The following GRIA1 variants were observed in gnomAD, a reference collection of about 807,000 sequenced individuals.
GRIA1 encodes the protein glutamate ionotropic receptor AMPA type subunit 1.
In GRIA1, 31 loss-of-function variants were observed where a neutral mutation model predicts 99.2. The ratio of observed to expected loss-of-function variants is 0.31; its 90% CI spans 0.23 to 0.42. GRIA1 has a LOEUF of 0.42. Among genes scored for constraint, GRIA1 ranks in the 10% least tolerant of loss-of-function variants. The pLI is 1.00. For synonymous variants in GRIA1, 438 were observed against 432.4 expected, an observed-to-expected ratio of 1.01 and a Z score of -0.16; for missense variants, 782 against 1,157.5, an observed-to-expected ratio of 0.68 and a Z score of 4.71.
chr5:153,543,376 C>A (rs930787489), intron 2 of GRIA1, among the ~76,000 whole-genome samples: 1 of 152,178 alleles, frequency 6.6e-6, no homozygotes, highest in Admixed American at 6.6e-5. Context: ...TAAGTACTTG[C>A]ATATATCTAA....
chr5:153,632,884 G>A (rs1169885320), intron 2 of GRIA1, among the ~76,000 whole-genome samples: 1 of 152,216 alleles, frequency 6.6e-6, no homozygotes, highest in Non-Finnish European at 1.5e-5. Flanking sequence ...CCTTAGAGGA[G>A]GAAGAAATGA....
chr5:153,813,835 A>G lies in GRIA1; in HGVS notation c.*2610A>G, dbSNP rs1352346485. Reference sequence around the variant, plus strand: ...CTTTTGGTATTTGCATAAAATGAAAATATCACCGAATATTAAATCACTGTG... The same window carrying G: ...CTTTTGGTATTTGCATAAAATGAAAGTATCACCGAATATTAAATCACTGTG... On this transcript the variant is annotated 3_prime_UTR_variant, in exon 16 of 16. Coordinates refer to ENST00000285900, the MANE Select transcript of GRIA1 (RefSeq NM_000827.4). 6.6e-6 allele frequency: 1 copy of G among 152,232 alleles called. No homozygotes were observed. Among genetic ancestry groups the G allele is most frequent in the Non-Finnish European group, 1.5e-5 (1 of 68,042 alleles). The allele number at this position is 152,232 out of a possible 1,614,324, so 9.4% of individuals were successfully genotyped here.
At chr5:153,694,263 C>A (rs186677059) in intron 8 of GRIA1, among the ~76,000 whole-genome samples, 3 of 151,990 alleles carry the variant, frequency 2.0e-5, no homozygotes, top group African/African-American at 7.2e-5. Context: ...ATTCATCTTG[C>A]TTTTTTTTCC....
intron 8 of GRIA1, among the ~76,000 whole-genome samples, chr5:153,692,642 G>A (rs1284200581): frequency 6.6e-6 from 1 of 152,120 alleles, no homozygotes; most frequent in Non-Finnish European, 1.5e-5. Flanking sequence ...GATAAAGCTT[G>A]TCAACCCCTG....
chr5:153,732,014 G>A (rs926337732), intron 11 of GRIA1, among the ~76,000 whole-genome samples: 2 of 151,964 alleles, frequency 1.3e-5, no homozygotes, highest in Non-Finnish European at 2.9e-5. Context: ...TCTGTGTCTG[G>A]CTTATTTCAC....
intron 13 of GRIA1, among the ~76,000 whole-genome samples, chr5:153,770,740 C>A (rs1055206842): frequency 4.6e-5 from 7 of 152,208 alleles, no homozygotes; most frequent in African/African-American, 1.7e-4. Context: ...CTTTACCAGA[C>A]ACCCCTGCAT....
At position 153,547,201 on chromosome 5, in the gene GRIA1, G is replaced by T. The variant is rs549880891; in HGVS notation, c.220+53136G>T. 4.1e-3 allele frequency among the ~76,000 whole-genome samples: 631 copies of T among 152,054 alleles called. 5 individuals are homozygous for T. The highest frequency in any genetic ancestry group is 0.015 in the African/African-American group (609 of 41,478). On this transcript the variant is annotated intron_variant, in intron 2 of 15. Transcript: ENST00000285900. Reference sequence around the variant, plus strand: ...TTTTTTTTTTAGCTCATCAGCTATTGTTAGTGTTAGTGTATGTGATGTGTG... The same window carrying T: ...TTTTTTTTTTAGCTCATCAGCTATTTTTAGTGTTAGTGTATGTGATGTGTG...
At chr5:153,670,701 T>C (rs1756100136) in intron 5 of GRIA1, among the ~76,000 whole-genome samples, 1 of 151,994 alleles carries the variant, frequency 6.6e-6, no homozygotes, top group Non-Finnish European at 1.5e-5. Flanking sequence ...GCAAAGAAAA[T>C]TAGAAAATTA....
chr5:153,809,670 A>C lies in GRIA1; in HGVS notation c.2521-1355A>C, dbSNP rs142945800. 1.2e-4 allele frequency among the ~76,000 whole-genome samples: 18 copies of C among 152,316 alleles called. No individual in the cohort carries two copies. In the East Asian group the frequency reaches 3.5e-3, roughly 29 times the overall value. ...AATTCAAAAGCATCATTATGCATCT[A>C]ATTTCTTACTGGACACTCTGTGGGA... On this transcript the variant is annotated intron_variant, in intron 15 of 15. Transcript: ENST00000285900.
intron 11 of GRIA1, among the ~76,000 whole-genome samples, chr5:153,718,642 C>A (rs1237428567): frequency 6.6e-6 from 1 of 152,172 alleles, no homozygotes; most frequent in African/African-American, 2.4e-5. Flanking sequence ...TAGTACCTAG[C>A]ACATACCAGA....
intron 10 of GRIA1, among the ~76,000 whole-genome samples, chr5:153,705,347 T>C (rs984072926): frequency 2.0e-5 from 3 of 152,042 alleles, no homozygotes; most frequent in African/African-American, 7.2e-5. Flanking sequence ...ACCTGCAGGA[T>C]TGAGAGTGGG....
chr5:153,655,899 C>A (rs201969852), intron 5 of GRIA1, 27 bp downstream of exon 5: 41 of 1,606,606 alleles, frequency 2.6e-5, no homozygotes, highest in Non-Finnish European at 3.4e-5. Flanking sequence ...AGGCTCTCAG[C>A]TCAAGTCCTT....
chr5:153,668,231 C>G (rs1755889236), intron 5 of GRIA1, among the ~76,000 whole-genome samples: 1 of 152,142 alleles, frequency 6.6e-6, no homozygotes, highest in Admixed American at 6.5e-5. Context: ...AGCCACTATT[C>G]CCATCTCTGG....
At chr5:153,781,197 A>G (rs920922538) in intron 13 of GRIA1, among the ~76,000 whole-genome samples, 3 of 152,208 alleles carry the variant, frequency 2.0e-5, no homozygotes, top group Non-Finnish European at 4.4e-5. Flanking sequence ...CCTCTCACAC[A>G]GTAAACCAGC....
At chr5:153,629,179 G>A (rs1752747138) in intron 2 of GRIA1, among the ~76,000 whole-genome samples, 1 of 152,158 alleles carries the variant, frequency 6.6e-6, no homozygotes, top group Admixed American at 6.5e-5. Flanking sequence ...TAGGCTGTGA[G>A]GAGGGCAAAA....
chr5:153,638,442 G>A (rs573782344), intron 2 of GRIA1, among the ~76,000 whole-genome samples: 2 of 152,326 alleles, frequency 1.3e-5, no homozygotes, highest in South Asian at 2.1e-4. Context: ...GATATGCCCA[G>A]CATGCATCTC....
intron 2 of GRIA1, among the ~76,000 whole-genome samples, chr5:153,545,231 T>A (rs1427582562): frequency 2.0e-5 from 3 of 152,070 alleles, no homozygotes; most frequent in Non-Finnish European, 4.4e-5. Context: ...ACTGAAAAAG[T>A]TGAAAGGTTG....
intron 2 of GRIA1, among the ~76,000 whole-genome samples, chr5:153,505,601 A>C (rs1337371748): frequency 6.6e-6 from 1 of 152,216 alleles, no homozygotes; most frequent in East Asian, 1.9e-4. Context: ...ATTGTAGGAA[A>C]TGCTCAATGT....
chr5:153,776,569 A>G (rs1190313104), intron 13 of GRIA1, among the ~76,000 whole-genome samples: 1 of 152,168 alleles, frequency 6.6e-6, no homozygotes, highest in African/African-American at 2.4e-5. Context: ...TGCATTGACT[A>G]TATCTGGCCT....
Sources: allele counts gnomAD v4.1 joint callset (sites outside exome capture counted in the v4.1 genomes callset), GRCh38; gene constraint gnomAD v4.1.1; transcripts MANE v1.5; gene names NCBI Gene and HGNC (gene_info 2026-07-23, HGNC 2026-07-21).